The following PRMT8 variants were observed in gnomAD, a reference collection of about 807,000 sequenced individuals.
PRMT8 encodes protein arginine methyltransferase 8, also known as protein arginine N-methyltransferase 8.
A neutral mutation model predicts 47.1 loss-of-function variants in PRMT8; 7 were observed. That is an observed-to-expected ratio of 0.15 (90% confidence interval 0.08 to 0.28). The LOEUF (loss-of-function observed/expected upper bound fraction) is 0.28, where lower values mean the gene tolerates loss of function less well. PRMT8 is among the 10% of genes least tolerant of loss of function. The probability of loss-of-function intolerance (pLI) is 1.00; values close to 1 mark genes in which losing one functional copy is unlikely to be tolerated. For synonymous variants in PRMT8, 188 were observed against 186.5 expected (o/e 1.01, Z -0.07); for missense variants, 237 against 505.4 (o/e 0.47, Z 5.09).
intron 1 of PRMT8, among the ~76,000 whole-genome samples, chr12:3,449,524 AT>A (rs1350027695): frequency 1.3e-5 from 2 of 152,192 alleles, no homozygotes; most frequent in Non-Finnish European, 2.9e-5. Context: ...TGTTGGCTGC[AT>A]AAATGTCTTC....
chr12:3,561,398 G>T (rs1012596944), intron 4 of PRMT8, among the ~76,000 whole-genome samples: 3 of 152,134 alleles, frequency 2.0e-5, no homozygotes, highest in Non-Finnish European at 4.4e-5. Flanking sequence ...CCTATATCTG[G>T]TTGGTGGATG....
intron 4 of PRMT8, among the ~76,000 whole-genome samples, chr12:3,560,538 G>C (rs955210880): frequency 2.0e-5 from 3 of 152,214 alleles, no homozygotes; most frequent in East Asian, 1.9e-4. Flanking sequence ...CCAGTGGGCT[G>C]CCGAGATGCT....
rs1036472237 is a variant in PRMT8, at chr12:3,404,760, T to G, written c.48+23318T>G. On this transcript the variant is annotated intron_variant, in intron 1 of 9. Transcript: ENST00000452611. ...ATGTATTAAACTCTCTCTCTATGAG[T>G]AGGAATTTCTTGTTTCTCCTTTTAA... Among the ~76,000 whole-genome samples, 5 of 152,218 alleles carry G rather than the reference T, an allele frequency of 3.3e-5. No individual in the cohort carries two copies. The East Asian group carries it at 7.7e-4, about 23-fold the overall frequency.
rs1042487833 is a variant in PRMT8, at chr12:3,493,598, C to A, written c.75+1898C>A. On this transcript the variant is annotated intron_variant, in intron 1 of 9. Coordinates refer to ENST00000382622, the MANE Select transcript of PRMT8 (RefSeq NM_019854.5). This position sits in a 1 kb window ranked among gnomAD's most constrained non-coding sequence, Gnocchi z 8.2. ...TGCCAGGTTCCGCAGTGTGCAGCGGCGGCTGCTGCGCTCTCCCAGCCTCGG... is the reference window on the plus strand; with the variant it reads ...TGCCAGGTTCCGCAGTGTGCAGCGGAGGCTGCTGCGCTCTCCCAGCCTCGG... Among the ~76,000 whole-genome samples the A allele has an allele frequency of 6.6e-6, 1 of 152,234 alleles. No individual in the cohort carries two copies. Among genetic ancestry groups the A allele is most frequent in the Non-Finnish European group, 1.5e-5 (1 of 68,044 alleles).
At chr12:3,528,076 A>C (rs1394232959) in intron 1 of PRMT8, among the ~76,000 whole-genome samples, 2 of 152,040 alleles carry the variant, frequency 1.3e-5, no homozygotes, top group Non-Finnish European at 2.9e-5. Context: ...TGCCACTTTT[A>C]AGATTTTCCA....
chr12:3,459,955 C>A (rs75241264), intron 1 of PRMT8, among the ~76,000 whole-genome samples: 6 of 152,328 alleles, frequency 3.9e-5, no homozygotes, highest in African/African-American at 1.4e-4. Context: ...TATGCCATTA[C>A]GTTCACGTCA....
At chr12:3,567,217 A>T (rs1866735687) in intron 4 of PRMT8, among the ~76,000 whole-genome samples, 1 of 152,176 alleles carries the variant, frequency 6.6e-6, no homozygotes, top group Non-Finnish European at 1.5e-5. Context: ...GTGTTATTTC[A>T]TTTGATCAAT....
chr12:3,392,384 C>G (rs1212851185), intron 1 of PRMT8, among the ~76,000 whole-genome samples: 3 of 128,084 alleles, frequency 2.3e-5, no homozygotes, highest in African/African-American at 2.9e-5. Context: ...ACAACAGTCC[C>G]CAGAGTTTGA....
Position 3,456,809 on chromosome 12 carries a change from G to A in PRMT8, c.48+75367G>A, listed in dbSNP as rs1206481398. Among the ~76,000 whole-genome samples, 2 of 152,164 alleles carry A rather than the reference G, an allele frequency of 1.3e-5. No individual in the cohort carries two copies. Among genetic ancestry groups the A allele is most frequent in the African/African-American group, 4.8e-5 (2 of 41,430 alleles). ...GAAAAAAAAAATGTCACCAAACAAA[G>A]AGAATCGAACCCCTCTAGCCAGGAA... On this transcript the variant is annotated intron_variant, in intron 1 of 9. Transcript: ENST00000452611. The surrounding 1 kb of genome is among the most constrained non-coding windows in gnomAD (Gnocchi z 4.2).
intron 4 of PRMT8, among the ~76,000 whole-genome samples, chr12:3,558,480 C>T (rs547978981): frequency 6.6e-6 from 1 of 152,230 alleles, no homozygotes; most frequent in Non-Finnish European, 1.5e-5. Context: ...TTACCTAATG[C>T]CCAGATCCTT....
chr12:3,549,683 A>G (rs1407476380), intron 2 of PRMT8, among the ~76,000 whole-genome samples: 1 of 152,154 alleles, frequency 6.6e-6, no homozygotes, highest in African/African-American at 2.4e-5. Context: ...GAGCTTTCCC[A>G]GGTCTGAACA....
chr12:3,417,314 G>A (rs528074285), intron 1 of PRMT8, among the ~76,000 whole-genome samples: 1 of 152,340 alleles, frequency 6.6e-6, no homozygotes, highest in Non-Finnish European at 1.5e-5. Flanking sequence ...AACAAATCTT[G>A]CCTTCCCTGG....
At chr12:3,422,044 T>C (rs1357315877) in intron 1 of PRMT8, among the ~76,000 whole-genome samples, 1 of 152,156 alleles carries the variant, frequency 6.6e-6, no homozygotes, top group Non-Finnish European at 1.5e-5. Flanking sequence ...GGTGGGGCCA[T>C]AGGGAAAAGG....
At chr12:3,416,573 G>A (rs1475507043) in intron 1 of PRMT8, among the ~76,000 whole-genome samples, 1 of 152,182 alleles carries the variant, frequency 6.6e-6, no homozygotes, top group Non-Finnish European at 1.5e-5. Flanking sequence ...TGAGAGGCTG[G>A]GGCACATCCA....
intron 1 of PRMT8, among the ~76,000 whole-genome samples, chr12:3,471,763 C>T (rs1446867058): frequency 6.6e-6 from 1 of 151,888 alleles, no homozygotes; most frequent in Non-Finnish European, 1.5e-5. Context: ...CTTGTAAGTA[C>T]CCACTTCCAT....
At chr12:3,437,027 C>A (rs995624450) in intron 1 of PRMT8, among the ~76,000 whole-genome samples, 3 of 152,110 alleles carry the variant, frequency 2.0e-5, no homozygotes, top group Admixed American at 2.0e-4. Flanking sequence ...TTTTAAGTCA[C>A]GAAAATGAAA....
In PRMT8 at chr12:3,544,570, G is replaced by A. The variant is rs2137169777; in HGVS notation, c.261+3779G>A. Among the ~76,000 whole-genome samples the A allele has an allele frequency of 1.3e-5, 2 of 152,308 alleles. 1 individual carries two copies. Among genetic ancestry groups the A allele is most frequent in the South Asian group, 4.1e-4 (2 of 4,820 alleles). On this transcript the variant is annotated intron_variant, in intron 2 of 9. Coordinates refer to ENST00000382622, the MANE Select transcript of PRMT8 (RefSeq NM_019854.5). ...AAGTGGGGGACCGCCTAATGCCAGA[G>A]CCCCCTGCTACTTACAGGCTGGGGG...
At chr12:3,545,626 G>T (rs1297265645) in intron 2 of PRMT8, among the ~76,000 whole-genome samples, 1 of 152,184 alleles carries the variant, frequency 6.6e-6, no homozygotes, top group Non-Finnish European at 1.5e-5. Flanking sequence ...AACAGAAAGA[G>T]AAGTTGGGAA....
rs1049108386 is a variant in PRMT8, at chr12:3,453,223, C to T, written c.48+71781C>T. 6.6e-5 allele frequency among the ~76,000 whole-genome samples: 10 copies of T among 152,142 alleles called. No homozygotes were observed. Among genetic ancestry groups the T allele is most frequent in the African/African-American group, 2.2e-4 (9 of 41,410 alleles). On this transcript the variant is annotated intron_variant, in intron 1 of 9. Coordinates refer to the PRMT8 transcript ENST00000452611. The surrounding 1 kb of genome is among the most constrained non-coding windows in gnomAD (Gnocchi z 4.9). ...CTGCTGAAAGGGTGCAGGGAAGCCA[C>T]GGTTCCTTCCCTCCCCACGCCCCTC...
Sources: gnomAD v4.1 joint callset for allele counts (sites outside exome capture counted in the v4.1 genomes callset) on GRCh38, gnomAD v4.1.1 for gene constraint, Gnocchi (gnomAD v3.1) non-coding constraint, MANE v1.5 for transcripts, NCBI Gene and HGNC (gene_info 2026-07-23, HGNC 2026-07-21) for gene names.